Variants in ABCG1 observed in about 807,000 individuals in gnomAD.
ABCG1 encodes the protein ATP binding cassette subfamily G member 1, also known as ATP-binding cassette sub-family G member 1.
Under a neutral mutation model 69.2 loss-of-function variants are expected in ABCG1, and 29 were observed. The observed-to-expected ratio is 0.42, with a 90% CI of 0.31 to 0.57. The LOEUF is 0.57. ABCG1 is among the 20% of genes least tolerant of loss of function. The probability of loss-of-function intolerance (pLI) is 0.15; values close to 1 mark genes in which losing one functional copy is unlikely to be tolerated. For synonymous variants in ABCG1, 370 were observed against 374.8 expected, an observed-to-expected ratio of 0.99 and a Z score of 0.15; for missense variants, 718 against 898.1, an observed-to-expected ratio of 0.80 and a Z score of 2.56.
rs200089864 is a variant in ABCG1, at chr21:42,291,473, G to A, written c.1495-25G>A. On this transcript the variant is annotated intron_variant, in intron 12 of 14. Coordinates refer to ENST00000398449, the MANE Select transcript of ABCG1 (RefSeq NM_016818.3). The surrounding 1 kb of genome is among the most constrained non-coding windows in gnomAD (Gnocchi z 6.4). ...GCTGTGGTGGGAAGCGGCTGAGCCCGCGGCTGACGGGTCCTTGTTTCCAGA... is the reference window on the plus strand; with the variant it reads ...GCTGTGGTGGGAAGCGGCTGAGCCCACGGCTGACGGGTCCTTGTTTCCAGA... 528 of 1,595,060 alleles carry A rather than the reference G, an allele frequency of 3.3e-4. 1 individual carries two copies. Among genetic ancestry groups the A allele is most frequent in the Middle Eastern group, 2.5e-3 (15 of 5,996 alleles).
intron 5 of ABCG1, 149 bp from the exon 6 acceptor site, chr21:42,282,125 G>A: frequency 9.7e-7 from 1 of 1,032,686 alleles, no homozygotes. Flanking sequence ...GGGCAGCCTG[G>A]AGTGGGTTCG....
chr21:42,218,447 A>G (rs764742124), upstream of ABCG1, among the ~76,000 whole-genome samples: 18 of 136,994 alleles, frequency 1.3e-4, no homozygotes, highest in Non-Finnish European at 2.2e-4. Context: ...CTCTGGAAAC[A>G]CCTCTGTCTG....
chr21:42,200,090 A>G (rs2067494398), intron 1 of ABCG1, among the ~76,000 whole-genome samples: 1 of 152,218 alleles, frequency 6.6e-6, no homozygotes, highest in Non-Finnish European at 1.5e-5. Flanking sequence ...AGAGCCCACG[A>G]CATGAGGGAG....
chr21:42,214,712 T>C (rs1307188888), upstream of ABCG1, among the ~76,000 whole-genome samples: 2 of 152,228 alleles, frequency 1.3e-5, no homozygotes, highest in Non-Finnish European at 2.9e-5. Context: ...CTTCTGTTCT[T>C]AACTGGCTGG....
rs148236847 is a variant in ABCG1 at position 42,205,444 on chromosome 21, C to T, written c.48+3721C>T. The stretch of plus-strand genomic sequence containing the variant: ...TAAAAACCTGTCTCTACTAAAAATA[C>T]AAAAATTAGCTGGGTGTGGTGGTGG... On this transcript the variant is annotated intron_variant, in intron 2 of 15. Transcript: ENST00000398457. Among the ~76,000 whole-genome samples the T allele has an allele frequency of 8.0e-3, 1,218 of 151,990 alleles. 24 individuals carry two copies. Among genetic ancestry groups the T allele is most frequent in the African/African-American group, 0.028 (1,154 of 41,446 alleles).
At chr21:42,253,126 G>A (rs919298551) in intron 2 of ABCG1, among the ~76,000 whole-genome samples, 8 of 152,284 alleles carry the variant, frequency 5.3e-5, no homozygotes, top group African/African-American at 1.9e-4. Context: ...TGGAGGAGCT[G>A]GTGGGACAAA....
chr21:42,251,650 A>C (rs771355730), intron 2 of ABCG1, among the ~76,000 whole-genome samples: 12 of 151,568 alleles, frequency 7.9e-5, no homozygotes, highest in Non-Finnish European at 1.6e-4. Context: ...AGGCGGGGGG[A>C]ATGGGAAACG....
Position 42,285,966 on chromosome 21 carries a change from C to T in ABCG1, c.945C>T (p.Cys315=). 3 of 1,613,864 alleles carry T rather than the reference C, an allele frequency of 1.9e-6. No homozygotes were observed. Among genetic ancestry groups the T allele is most frequent in the Non-Finnish European group, 2.5e-6 (3 of 1,179,818 alleles). The change falls in exon 8 of 15, where the codon TGC becomes TGT. Residue 315 remains cysteine, a synonymous_variant. Transcript: ENST00000398449. ...ATTTGAGGGATTTGGGTCTGAACTG[C>T]CCAACCTACCACAACCCAGCAGATT... ...VPYLRDLGLN[C]PTYHNPADFV...
At chr21:42,227,495 A>C (rs996613266) in intron 2 of ABCG1, among the ~76,000 whole-genome samples, 2 of 152,346 alleles carry the variant, frequency 1.3e-5, no homozygotes, top group Admixed American at 6.5e-5. Flanking sequence ...TTGTCATGAC[A>C]GTAGAAAATG....
At chr21:42,212,901 G>T (rs573701253), upstream of ABCG1, among the ~76,000 whole-genome samples, 6 of 152,212 alleles carry the variant, frequency 3.9e-5, no homozygotes, top group South Asian at 8.3e-4. Flanking sequence ...CACCATGTTA[G>T]CCAGGATGGT....
In ABCG1 at chr21:42,219,218, C is replaced by T. The variant is rs780150043; in HGVS notation, c.-45C>T. 4 of 1,481,546 alleles carry T rather than the reference C, an allele frequency of 2.7e-6. No homozygotes were observed. Among genetic ancestry groups the T allele is most frequent in the East Asian group, 5.6e-5 (2 of 35,450 alleles). 91.8% of individuals were successfully genotyped at this position (1,481,546 alleles called of 1,614,324 possible). A position where few individuals can be genotyped will look rare whatever the true frequency, so the allele number is the denominator to read the frequency against. On this transcript the variant is annotated 5_prime_UTR_variant, in exon 1 of 15. Transcript: ENST00000398449. This position sits in a 1 kb window ranked among gnomAD's most constrained non-coding sequence, Gnocchi z 5.3. ...AGCCTCGGCCCCGCAGCTCAAGCCT[C>T]GTCCCCGCCGCCGCCGCCGCCGCCG...
chr21:42,270,997 A>G, intron 2 of ABCG1, 73 bp from the exon 3 acceptor site: 3 of 1,074,938 alleles, frequency 2.8e-6, no homozygotes, highest in South Asian at 2.2e-5. Flanking sequence ...GGTCATGTGT[A>G]CTTGAACATT....
intron 8 of ABCG1, among the ~76,000 whole-genome samples, chr21:42,286,918 C>A (rs2068952104): frequency 6.6e-6 from 1 of 152,104 alleles, no homozygotes; most frequent in South Asian, 2.1e-4. Flanking sequence ...CATTGCCTGG[C>A]AGTGCTGTAG....
chr21:42,219,798 G>A lies in ABCG1; in HGVS notation c.42+494G>A. 1 of 1,428,042 alleles carries A rather than the reference G, an allele frequency of 7.0e-7. No homozygotes were observed. Among genetic ancestry groups the A allele is most frequent in the Non-Finnish European group, 9.1e-7 (1 of 1,094,302 alleles). 88.5% of individuals were successfully genotyped at this position (1,428,042 alleles called of 1,614,324 possible). Reference sequence around the variant, plus strand: ...AGGCAAGGTCTGGGGGAACAAAAGAGGAAGCTGCCCCCAGAGAGCCGGAGC... The same window carrying A: ...AGGCAAGGTCTGGGGGAACAAAAGAAGAAGCTGCCCCCAGAGAGCCGGAGC... On this transcript the variant is annotated intron_variant, in intron 1 of 14. Coordinates refer to ENST00000398449, the MANE Select transcript of ABCG1 (RefSeq NM_016818.3). The surrounding 1 kb of genome is among the most constrained non-coding windows in gnomAD (Gnocchi z 5.3).
At chr21:42,269,856 C>A (rs1211564169) in intron 2 of ABCG1, among the ~76,000 whole-genome samples, 1 of 152,190 alleles carries the variant, frequency 6.6e-6, no homozygotes, top group Non-Finnish European at 1.5e-5. Context: ...CGGGACTGGG[C>A]CAAGGACCCC....
rs2069033805 is a variant in ABCG1, at chr21:42,290,342, TATC to T, written c.1393+128_1393+130del. On this transcript the variant is annotated intron_variant, in intron 11 of 14. Coordinates refer to ENST00000398449, the MANE Select transcript of ABCG1 (RefSeq NM_016818.3). ...ACACAATGTTTTTGTTTTTTTAAAA[TATC>T]ATCTTCTTTGTTGACAGATGCAAGT... The T allele has an allele frequency of 6.4e-6, 7 of 1,090,272 alleles. No homozygotes were observed. The East Asian group carries it at 1.0e-4, about 16-fold the overall frequency. 67.5% of individuals were successfully genotyped at this position (1,090,272 alleles called of 1,614,324 possible). A position where few individuals can be genotyped will look rare whatever the true frequency, so the allele number is the denominator to read the frequency against.
At position 42,251,613 on chromosome 21, in the gene ABCG1, C is replaced by T. The variant is rs370510554; in HGVS notation, c.287-19457C>T. On this transcript the variant is annotated intron_variant, in intron 2 of 14. Coordinates refer to ENST00000398449, the MANE Select transcript of ABCG1 (RefSeq NM_016818.3). ...CATGTTTGGGAGACCCTGACCAGACCAGCCTGGTGTGGGGGAAGTGGAGGC... is the reference window on the plus strand; with the variant it reads ...CATGTTTGGGAGACCCTGACCAGACTAGCCTGGTGTGGGGGAAGTGGAGGC... Among the ~76,000 whole-genome samples, 19 of 151,750 alleles carry T rather than the reference C, an allele frequency of 1.3e-4. 1 individual carries two copies. Among genetic ancestry groups the T allele is most frequent in the African/African-American group, 2.2e-4 (9 of 41,336 alleles).
intron 1 of ABCG1, among the ~76,000 whole-genome samples, chr21:42,220,229 G>A (rs1044008929): frequency 6.6e-5 from 10 of 152,172 alleles, no homozygotes; most frequent in Admixed American, 5.2e-4. Context: ...AAAGTCTTCC[G>A]TATTCCACGC....
rs2068972083 is a variant in ABCG1 at position 42,287,836 on chromosome 21, G to A, written c.974-53G>A. On this transcript the variant is annotated intron_variant, in intron 8 of 14. Transcript: ENST00000398449. This position sits in a 1 kb window ranked among gnomAD's most constrained non-coding sequence, Gnocchi z 6.2. ...GAATAACGACTTTCGCATTTGGGTG[G>A]TTGGGGTGTCCTTCCTGGAGCCCGG... The A allele has an allele frequency of 6.7e-7, 1 of 1,503,268 alleles. No individual in the cohort carries two copies. The highest frequency in any genetic ancestry group is 8.9e-7 in the Non-Finnish European group (1 of 1,122,154). 93.1% of individuals were successfully genotyped at this position (1,503,268 alleles called of 1,614,324 possible). A position where few individuals can be genotyped will look rare whatever the true frequency, so the allele number is the denominator to read the frequency against.
Sources: gnomAD v4.1 joint callset for allele counts (sites outside exome capture counted in the v4.1 genomes callset) on GRCh38, gnomAD v4.1.1 for gene constraint, Gnocchi (gnomAD v3.1) non-coding constraint, MANE v1.5 for transcripts, NCBI Gene and HGNC (gene_info 2026-07-23, HGNC 2026-07-21) for gene names.